Variants in NRXN3 observed in about 807,000 individuals in gnomAD.
NRXN3 encodes the protein neurexin III.
NRXN3 carries 32 observed loss-of-function variants against 137.6 expected under a neutral mutation model. That is an observed-to-expected ratio of 0.23 (90% CI 0.18 to 0.31). NRXN3 has a LOEUF of 0.31. NRXN3 is among the 10% of genes least tolerant of loss of function. The probability of loss-of-function intolerance (pLI) is 1.00; values close to 1 mark genes in which losing one functional copy is unlikely to be tolerated. For missense variants in NRXN3, 1,574 were observed against 2,062.5 expected (o/e 0.76, Z 4.59); for synonymous variants, 798 against 784.5 (o/e 1.02, Z -0.29).
At chr14:79,174,472 C>T (rs2062097673) in intron 15 of NRXN3, among the ~76,000 whole-genome samples, 1 of 146,642 alleles carries the variant, frequency 6.8e-6, no homozygotes, top group Non-Finnish European at 1.5e-5. Context: ...AAAAGATTAA[C>T]TTTTGAATGG....
chr14:78,637,057 C>T (rs1446909661), intron 4 of NRXN3, among the ~76,000 whole-genome samples: 1 of 151,940 alleles, frequency 6.6e-6, no homozygotes, highest in East Asian at 1.9e-4. Flanking sequence ...GCCATTTGTC[C>T]ACCCACTGGA....
At chr14:79,028,727 G>C (rs1156264111) in intron 15 of NRXN3, among the ~76,000 whole-genome samples, 1 of 152,140 alleles carries the variant, frequency 6.6e-6, no homozygotes, top group African/African-American at 2.4e-5. Flanking sequence ...TGACAGGGAA[G>C]GGGGAAGTCA....
chr14:79,417,778 A>G (rs2095518088), intron 15 of NRXN3, among the ~76,000 whole-genome samples: 1 of 152,166 alleles, frequency 6.6e-6, no homozygotes, highest in Admixed American at 6.6e-5. Context: ...TTTATGCAAT[A>G]GGGATTGAAA....
chr14:79,305,626 T>A (rs2085918286), intron 15 of NRXN3, among the ~76,000 whole-genome samples: 1 of 150,946 alleles, frequency 6.6e-6, no homozygotes, highest in Non-Finnish European at 1.5e-5. Flanking sequence ...CGGGGATTAG[T>A]TTTTTTCCTC....
At chr14:78,795,383 C>T (rs1446839018) in intron 8 of NRXN3, among the ~76,000 whole-genome samples, 2 of 152,182 alleles carry the variant, frequency 1.3e-5, no homozygotes, top group African/African-American at 2.4e-5. Flanking sequence ...CAGTGCCAAT[C>T]CCTTCCTTTA....
At chr14:78,757,409 T>TAA (rs59969129) in intron 8 of NRXN3, among the ~76,000 whole-genome samples, 2 of 138,594 alleles carry the variant, frequency 1.4e-5, no homozygotes, top group Non-Finnish European at 3.1e-5. Context: ...TTCCATCTCT[T>TAA]AAAAAAAAAA....
At chr14:79,140,519 T>G in intron 15 of NRXN3, among the ~76,000 whole-genome samples, 1 of 151,970 alleles carries the variant, frequency 6.6e-6, no homozygotes. Context: ...TGGATAATGA[T>G]TTTTTTAAAT....
chr14:78,774,036 G>A (rs529240533), intron 8 of NRXN3, among the ~76,000 whole-genome samples: 7 of 152,248 alleles, frequency 4.6e-5, no homozygotes, highest in African/African-American at 1.4e-4. Context: ...TCTGGACCTC[G>A]TGATCAACCC....
At chr14:79,647,453 C>T (rs946513801) in intron 16 of NRXN3, among the ~76,000 whole-genome samples, 5 of 135,680 alleles carry the variant, frequency 3.7e-5, no homozygotes, top group East Asian at 2.0e-4. Context: ...TTATCTTTTC[C>T]GGCATTGATT....
At chr14:78,744,801 C>A (rs540311354) in intron 8 of NRXN3, 1 of 152,290 alleles carries the variant, frequency 6.6e-6, no homozygotes, top group African/African-American at 2.4e-5. Flanking sequence ...AAGATACACA[C>A]AGAGATAACT....
chr14:78,926,624 T>G (rs2099292633), intron 10 of NRXN3, among the ~76,000 whole-genome samples: 1 of 108,314 alleles, frequency 9.2e-6, no homozygotes, highest in Non-Finnish European at 1.8e-5. Flanking sequence ...AATGTATATT[T>G]ATATATAATA....
chr14:79,585,662 C>T (rs901115047), intron 16 of NRXN3, among the ~76,000 whole-genome samples: 10 of 126,436 alleles, frequency 7.9e-5, no homozygotes, highest in East Asian at 5.1e-4. Flanking sequence ...TCCAGCCTGG[C>T]GACAGAGCGA....
At chr14:79,848,738 C>G (rs571232646) in intron 20 of NRXN3, among the ~76,000 whole-genome samples, 2 of 152,254 alleles carry the variant, frequency 1.3e-5, no homozygotes, top group East Asian at 3.9e-4. Context: ...CATCTCTTAG[C>G]TGGCCCCAGA....
intron 16 of NRXN3, among the ~76,000 whole-genome samples, chr14:79,652,872 A>C (rs2098483808): frequency 6.6e-6 from 1 of 152,034 alleles, no homozygotes; most frequent in Admixed American, 6.6e-5. Flanking sequence ...CACTTTTTAA[A>C]AAATTTTTGT....
At chr14:78,806,746 A>G (rs924313247) in intron 9 of NRXN3, among the ~76,000 whole-genome samples, 1 of 152,208 alleles carries the variant, frequency 6.6e-6, no homozygotes, top group African/African-American at 2.4e-5. Context: ...TGAGAGGTTG[A>G]CTATTGATCA....
chr14:78,218,724 C>T (rs905429313), intron 1 of NRXN3, among the ~76,000 whole-genome samples: 5 of 152,144 alleles, frequency 3.3e-5, no homozygotes, highest in African/African-American at 9.7e-5. Context: ...CTTTTTCTTA[C>T]CTTTGGGATT....
chr14:79,429,052 G>A (rs868042197), intron 15 of NRXN3, among the ~76,000 whole-genome samples: 20 of 152,052 alleles, frequency 1.3e-4, no homozygotes, highest in African/African-American at 3.4e-4. Context: ...TGTGCATTGC[G>A]GAGCCCCCAC....
At chr14:79,429,004 T>G (rs999315911) in intron 15 of NRXN3, among the ~76,000 whole-genome samples, 1 of 152,216 alleles carries the variant, frequency 6.6e-6, no homozygotes, top group African/African-American at 2.4e-5. Flanking sequence ...TTAAGTGATC[T>G]CTGGGAAGAT....
At chr14:79,824,148 A>T (rs769389807) in intron 20 of NRXN3, among the ~76,000 whole-genome samples, 39 of 152,198 alleles carry the variant, frequency 2.6e-4, no homozygotes, top group Non-Finnish European at 4.6e-4. Flanking sequence ...AGATGAAAAG[A>T]TGCAGTTGCA....
Sources: gnomAD v4.1 joint callset for allele counts (sites outside exome capture counted in the v4.1 genomes callset) on GRCh38, gnomAD v4.1.1 for gene constraint, MANE v1.5 for transcripts, NCBI Gene and HGNC (gene_info 2026-07-23, HGNC 2026-07-21) for gene names.